ZBTB7C: variants seen among roughly 807,000 people sequenced by gnomAD.
The protein encoded by ZBTB7C is zinc finger and BTB domain containing 7C, also known as zinc finger and BTB domain-containing protein 7C.
ZBTB7C carries 8 observed loss-of-function variants against 25.7 expected under a neutral mutation model. That is an observed-to-expected ratio of 0.31 (90% confidence interval 0.18 to 0.56). ZBTB7C has a LOEUF of 0.56. ZBTB7C is among the 20% of genes least tolerant of loss of function. The pLI is 0.91. For missense variants in ZBTB7C, 824 were observed against 855.2 expected, an observed-to-expected ratio of 0.96 and a Z score of 0.46; for synonymous variants, 394 against 369.0, an observed-to-expected ratio of 1.07 and a Z score of -0.78.
intron 2 of ZBTB7C, among the ~76,000 whole-genome samples, chr18:48,200,413 C>T (rs191059949): frequency 7.9e-4 from 120 of 152,096 alleles, no homozygotes; most frequent in South Asian, 1.5e-3. Context: ...AAATCTAACC[C>T]CTACCTGGAG....
intron 3 of ZBTB7C, among the ~76,000 whole-genome samples, chr18:48,134,941 A>T (rs2040100183): frequency 6.6e-6 from 1 of 152,220 alleles, no homozygotes; most frequent in Non-Finnish European, 1.5e-5. Flanking sequence ...CCCTTGAACC[A>T]GGGACAAGTC....
chr18:48,251,885 G>C (rs1439657643), intron 2 of ZBTB7C, among the ~76,000 whole-genome samples: 1 of 152,176 alleles, frequency 6.6e-6, no homozygotes, highest in Non-Finnish European at 1.5e-5. Flanking sequence ...CTGCAGGAGA[G>C]AGAGCTATTC....
At position 48,026,741 on chromosome 18, in the gene ZBTB7C, T is replaced by A. The variant is rs984738925; in HGVS notation, c.*2519A>T. The A allele has an allele frequency of 6.6e-6, 1 of 151,840 alleles. No homozygotes were observed. Among genetic ancestry groups the A allele is most frequent in the African/African-American group, 2.4e-5 (1 of 41,276 alleles). 9.4% of individuals were successfully genotyped at this position (151,840 alleles called of 1,614,324 possible). On this transcript the variant is annotated 3_prime_UTR_variant, in exon 5 of 5. Coordinates refer to ENST00000590800, the MANE Select transcript of ZBTB7C (RefSeq NM_001318841.2). ...AGTATAAAATAAGGGTCAAAGGTTT[T>A]TTTTTTTTTCTTTGTTAAGGTGTCT...
intron 2 of ZBTB7C, among the ~76,000 whole-genome samples, chr18:48,309,117 G>A (rs1156267693): frequency 1.3e-5 from 2 of 152,178 alleles, no homozygotes; most frequent in African/African-American, 2.4e-5. Flanking sequence ...AGAAAAAGAG[G>A]TTGTAAAAAT....
At chr18:48,082,204 A>G (rs930636993) in intron 3 of ZBTB7C, among the ~76,000 whole-genome samples, 2 of 152,342 alleles carry the variant, frequency 1.3e-5, no homozygotes, top group East Asian at 1.9e-4. Flanking sequence ...CCCCTTGCAC[A>G]GCCTATTTGG....
chr18:48,191,102 A>G (rs571674853), intron 2 of ZBTB7C, among the ~76,000 whole-genome samples: 43 of 152,038 alleles, frequency 2.8e-4, no homozygotes, highest in African/African-American at 1.0e-3. Context: ...AGGTTCCCAA[A>G]CTCCCTGCCC....
chr18:48,226,553 T>G (rs147933586), intron 2 of ZBTB7C, among the ~76,000 whole-genome samples: 182 of 152,318 alleles, frequency 1.2e-3, no homozygotes, highest in African/African-American at 4.0e-3. Flanking sequence ...TTAGATTGCA[T>G]GTGCATGACT....
chr18:48,065,984 C>G (rs567930644), intron 3 of ZBTB7C, among the ~76,000 whole-genome samples: 1 of 152,318 alleles, frequency 6.6e-6, no homozygotes, highest in Admixed American at 6.5e-5. Context: ...CCAATAAGTT[C>G]TGGATCCAGC....
chr18:48,141,564 C>A (rs908573983), intron 3 of ZBTB7C, among the ~76,000 whole-genome samples: 3 of 147,684 alleles, frequency 2.0e-5, no homozygotes, highest in African/African-American at 8.0e-5. Context: ...GTGAACTGGG[C>A]GGGGGGGAAA....
chr18:48,143,038 C>A (rs957446045), intron 3 of ZBTB7C, among the ~76,000 whole-genome samples: 2 of 152,180 alleles, frequency 1.3e-5, no homozygotes, highest in African/African-American at 4.8e-5. Context: ...AACAGATAAA[C>A]ATCTACCATG....
intron 3 of ZBTB7C, among the ~76,000 whole-genome samples, chr18:48,051,782 G>A (rs758665287): frequency 3.9e-5 from 6 of 152,166 alleles, no homozygotes; most frequent in South Asian, 2.1e-4. Flanking sequence ...AAGAGCTGGC[G>A]GGACACACCA....
chr18:48,044,187 A>G (rs2036375541), intron 3 of ZBTB7C, among the ~76,000 whole-genome samples: 1 of 152,160 alleles, frequency 6.6e-6, no homozygotes, highest in Admixed American at 6.5e-5. Context: ...GCTCAGATGG[A>G]CCATACCCAC....
intron 2 of ZBTB7C, among the ~76,000 whole-genome samples, chr18:48,319,397 C>A (rs2144843715): frequency 6.6e-6 from 1 of 152,296 alleles, no homozygotes; most frequent in South Asian, 2.1e-4. Flanking sequence ...GTTAATAAAA[C>A]ACTCAGCAGA....
chr18:48,091,230 C>T (rs536731083), intron 3 of ZBTB7C, among the ~76,000 whole-genome samples: 8 of 132,142 alleles, frequency 6.1e-5, no homozygotes, highest in African/African-American at 1.1e-4. Flanking sequence ...TGCCACTATG[C>T]CCGGATAATT....
At chr18:48,082,307 TAAG>T (rs886779514) in intron 3 of ZBTB7C, among the ~76,000 whole-genome samples, 4 of 152,166 alleles carry the variant, frequency 2.6e-5, no homozygotes, top group African/African-American at 9.7e-5. Context: ...TCTCTGCAGG[TAAG>T]AATACAGGTA....
At chr18:48,232,191 A>G (rs755151293) in intron 2 of ZBTB7C, among the ~76,000 whole-genome samples, 1 of 152,192 alleles carries the variant, frequency 6.6e-6, no homozygotes, top group African/African-American at 2.4e-5. Context: ...TAACACTCCA[A>G]GGATCCTGAG....
At chr18:48,339,873 G>A (rs937294383) in intron 1 of ZBTB7C, among the ~76,000 whole-genome samples, 4 of 152,186 alleles carry the variant, frequency 2.6e-5, no homozygotes, top group Non-Finnish European at 5.9e-5. Context: ...GAAATTGGCT[G>A]CGATAAACAG....
chr18:48,334,201 A>G (rs2046405085), intron 2 of ZBTB7C, among the ~76,000 whole-genome samples: 1 of 151,610 alleles, frequency 6.6e-6, no homozygotes, highest in Non-Finnish European at 1.5e-5. Flanking sequence ...TTGGCTAGAG[A>G]CCCCCCACAC....
chr18:48,358,174 A>G lies in ZBTB7C; in HGVS notation c.-303-19776T>C, dbSNP rs146946565. Among the ~76,000 whole-genome samples the G allele has an allele frequency of 8.5e-3, 1,293 of 152,276 alleles. 20 individuals carry two copies. Among genetic ancestry groups the G allele is most frequent in the African/African-American group, 0.03 (1,236 of 41,548 alleles). ...GAGAACAGCCTGGCCAACAATGGTG[A>G]AACCCCGTCTCCACTAAAAATACAA... On this transcript the variant is annotated intron_variant, in intron 1 of 4. Coordinates refer to ENST00000590800, the MANE Select transcript of ZBTB7C (RefSeq NM_001318841.2).
Sources: gnomAD v4.1 joint callset for allele counts (sites outside exome capture counted in the v4.1 genomes callset) on GRCh38, gnomAD v4.1.1 for gene constraint, MANE v1.5 for transcripts, NCBI Gene and HGNC (gene_info 2026-07-23, HGNC 2026-07-21) for gene names.